GUCY1A2: variants seen among roughly 807,000 people sequenced by gnomAD.
GUCY1A2 encodes guanylate cyclase soluble subunit alpha-2.
GUCY1A2 carries 27 observed loss-of-function variants against 63.5 expected under a neutral mutation model. The observed-to-expected ratio is 0.43, with a 90% CI of 0.31 to 0.59. GUCY1A2 has a LOEUF of 0.59. Among genes scored for constraint, GUCY1A2 ranks in the 20% least tolerant of loss-of-function variants. The pLI is 0.11. For synonymous variants in GUCY1A2, 364 were observed against 343.5 expected (o/e 1.06, Z -0.66); for missense variants, 768 against 913.3 (o/e 0.84, Z 2.05).
At chr11:106,802,243 A>T (rs1031346753) in intron 5 of GUCY1A2, among the ~76,000 whole-genome samples, 1 of 152,192 alleles carries the variant, frequency 6.6e-6, no homozygotes, top group African/African-American at 2.4e-5. Context: ...AACTCACCCT[A>T]TGTATAAACT....
At chr11:106,876,403 C>G (rs1392837071) in intron 4 of GUCY1A2, among the ~76,000 whole-genome samples, 5 of 149,760 alleles carry the variant, frequency 3.3e-5, no homozygotes, top group Non-Finnish European at 7.5e-5. Flanking sequence ...TTAATAATTG[C>G]TACTTTAATT....
intron 6 of GUCY1A2, among the ~76,000 whole-genome samples, chr11:106,725,960 T>G (rs540580351): frequency 1.3e-5 from 2 of 152,092 alleles, no homozygotes; most frequent in African/African-American, 2.4e-5. Context: ...TCTTACCCAT[T>G]GCAATACCCC....
At chr11:106,874,507 A>G (rs1282477651) in intron 4 of GUCY1A2, among the ~76,000 whole-genome samples, 2 of 152,162 alleles carry the variant, frequency 1.3e-5, no homozygotes, top group East Asian at 3.9e-4. Flanking sequence ...GACACTGCAT[A>G]GTGACTGCTC....
At chr11:106,833,935 G>A (rs905973889) in intron 4 of GUCY1A2, among the ~76,000 whole-genome samples, 2 of 151,814 alleles carry the variant, frequency 1.3e-5, no homozygotes, top group African/African-American at 4.8e-5. Flanking sequence ...CCTTATTAAG[G>A]TACAATTGAT....
chr11:106,680,179 G>GT lies in GUCY1A2; in HGVS notation c.*7369dup. 1 of 213,790 alleles carries GT rather than the reference G, an allele frequency of 4.7e-6. No individual in the cohort carries two copies. The highest frequency in any genetic ancestry group is 7.0e-5 in the East Asian group (1 of 14,276). 13.2% of individuals were successfully genotyped at this position (213,790 alleles called of 1,614,324 possible). A position where few individuals can be genotyped will look rare whatever the true frequency, so the allele number is the denominator to read the frequency against. ...TGTCCCTTTGTCCTGAGTCTGCTGT[G>GT]TAAATGCCAGGCAGCAGAATGCAAA... On this transcript the variant is annotated 3_prime_UTR_variant, in exon 8 of 8. Transcript: ENST00000526355.
chr11:107,010,942 C>A (rs2120209599), intron 1 of GUCY1A2, among the ~76,000 whole-genome samples: 1 of 152,134 alleles, frequency 6.6e-6, no homozygotes, highest in East Asian at 1.9e-4. Context: ...GTTGGCCAGG[C>A]TCGTCTTGAA....
At chr11:106,964,537 A>G (rs1425935678) in intron 3 of GUCY1A2, among the ~76,000 whole-genome samples, 1 of 152,156 alleles carries the variant, frequency 6.6e-6, no homozygotes. Context: ...GGTTCCTCCT[A>G]TTTTTATCAG....
chr11:106,906,983 T>C (rs530950584), intron 4 of GUCY1A2, among the ~76,000 whole-genome samples: 1 of 152,068 alleles, frequency 6.6e-6, no homozygotes, highest in South Asian at 2.1e-4. Context: ...ATACTTAATA[T>C]AGATGACAGG....
intron 6 of GUCY1A2, among the ~76,000 whole-genome samples, chr11:106,745,350 T>G (rs1159186794): frequency 6.6e-6 from 1 of 152,210 alleles, no homozygotes; most frequent in African/African-American, 2.4e-5. Context: ...AAATGAGAAG[T>G]ACTTTGTCTA....
At chr11:106,867,732 T>C (rs1433208002) in intron 4 of GUCY1A2, among the ~76,000 whole-genome samples, 1 of 152,032 alleles carries the variant, frequency 6.6e-6, no homozygotes, top group East Asian at 1.9e-4. Flanking sequence ...ACAGGCCAAA[T>C]GAATTTTTGG....
rs1020930767 is a variant in GUCY1A2, at chr11:106,679,904, C to T, written c.*7645G>A. ...CAGCTTCACTGAGATGTGCAGCTGC[C>T]GAGAGGTTGGCACTACCTCCTAGGA... On this transcript the variant is annotated 3_prime_UTR_variant, in exon 8 of 8. Coordinates refer to ENST00000526355, the MANE Select transcript of GUCY1A2 (RefSeq NM_000855.3). 3 of 217,898 alleles carry T rather than the reference C, an allele frequency of 1.4e-5. No homozygotes were observed. Among genetic ancestry groups the T allele is most frequent in the African/African-American group, 4.5e-5 (2 of 44,414 alleles). The allele number at this position is 217,898 out of a possible 1,614,324, so 13.5% of individuals were successfully genotyped here.
At chr11:106,897,316 C>A (rs540689483) in intron 4 of GUCY1A2, among the ~76,000 whole-genome samples, 1,890 of 152,164 alleles carry the variant, frequency 0.012, 25 homozygotes, top group South Asian at 0.046. Flanking sequence ...AAAATCCCAG[C>A]AAACTATTTT....
intron 5 of GUCY1A2, among the ~76,000 whole-genome samples, chr11:106,806,382 C>G (rs1424892193): frequency 6.6e-6 from 1 of 152,148 alleles, no homozygotes; most frequent in Non-Finnish European, 1.5e-5. Context: ...AGCACTGGAA[C>G]ACTGCAACCA....
chr11:106,827,127 G>A (rs1858981602), intron 4 of GUCY1A2: 1 of 1,476,034 alleles, frequency 6.8e-7, no homozygotes, highest in African/African-American at 1.4e-5. Context: ...TAGCTTCAAG[G>A]TGAATCTTAT....
chr11:106,926,244 A>C (rs2119924293), intron 4 of GUCY1A2, among the ~76,000 whole-genome samples: 2 of 152,202 alleles, frequency 1.3e-5, no homozygotes, highest in South Asian at 2.1e-4. Flanking sequence ...GCATGGCAAA[A>C]CCCTGTATTC....
chr11:106,952,891 C>T (rs1860930013), intron 3 of GUCY1A2, among the ~76,000 whole-genome samples: 1 of 152,134 alleles, frequency 6.6e-6, no homozygotes, highest in Non-Finnish European at 1.5e-5. Context: ...CTGCCTATCT[C>T]AGCCTCCCAA....
At chr11:106,895,237 T>C (rs1860030453) in intron 4 of GUCY1A2, among the ~76,000 whole-genome samples, 1 of 152,138 alleles carries the variant, frequency 6.6e-6, no homozygotes, top group Admixed American at 6.5e-5. Flanking sequence ...ATTTAATCAA[T>C]AATCAATAAC....
rs1163025941 is a variant in GUCY1A2, at chr11:106,686,066, T to C, written c.*1483A>G. 3 of 215,204 alleles carry C rather than the reference T, an allele frequency of 1.4e-5. No homozygotes were observed. The highest frequency in any genetic ancestry group is 2.8e-5 in the Non-Finnish European group (3 of 106,588). The allele number at this position is 215,204 out of a possible 1,614,324, so 13.3% of individuals were successfully genotyped here. A position where few individuals can be genotyped will look rare whatever the true frequency, so the allele number is the denominator to read the frequency against. ...TATTGCATTCAGTAGACATAAGCTA[T>C]CAATGAGTAAGAAAATGACCTCTCC... On this transcript the variant is annotated 3_prime_UTR_variant, in exon 8 of 8. Coordinates refer to ENST00000526355, the MANE Select transcript of GUCY1A2 (RefSeq NM_000855.3).
intron 4 of GUCY1A2, among the ~76,000 whole-genome samples, chr11:106,869,772 A>T (rs377102431): frequency 4.6e-5 from 7 of 152,176 alleles, no homozygotes; most frequent in African/African-American, 1.4e-4. Context: ...ACCCAAAGGA[A>T]TATAAATCAT....
Sources: allele counts gnomAD v4.1 joint callset (sites outside exome capture counted in the v4.1 genomes callset), GRCh38; gene constraint gnomAD v4.1.1; transcripts MANE v1.5; gene names NCBI Gene and HGNC (gene_info 2026-07-23, HGNC 2026-07-21).